Variants in MYH9 observed in about 807,000 individuals in gnomAD.
The protein encoded by MYH9 is myosin-9.
Under a neutral mutation model 241.9 loss-of-function variants are expected in MYH9, and 29 were observed. That is an observed-to-expected ratio of 0.12 (90% CI 0.09 to 0.16). The LOEUF (loss-of-function observed/expected upper bound fraction) is 0.16. MYH9 is among the 10% of genes least tolerant of loss of function. The pLI is 1.00. For synonymous variants in MYH9, 1,047 were observed against 1,062.6 expected (o/e 0.99, Z 0.29); for missense variants, 1,803 against 2,595.5 (o/e 0.69, Z 6.63).
At chr22:36,331,765 G>A (rs1479295616) in intron 3 of MYH9, among the ~76,000 whole-genome samples, 7 of 152,190 alleles carry the variant, frequency 4.6e-5, no homozygotes, top group Admixed American at 6.5e-5. Flanking sequence ...CAGCTCTCTC[G>A]GGCTCCACCT....
rs148709953 is a variant in MYH9, at chr22:36,321,914, G to A, written c.706-93C>T. 2.4e-4 allele frequency: 271 copies of A among 1,140,586 alleles called. 1 individual carries two copies. The East Asian group carries it at 3.3e-3, about 14-fold the overall frequency. The allele number at this position is 1,140,586 out of a possible 1,614,324, so 70.7% of individuals were successfully genotyped here. On this transcript the variant is annotated intron_variant, in intron 6 of 40. Transcript: ENST00000216181. The stretch of plus-strand genomic sequence containing the variant: ...GACCACAGCCCCCCGCCCCACCTCC[G>A]GTGGGCACAGCTTGGAGGGAGAAAA...
intron 24 of MYH9, among the ~76,000 whole-genome samples, chr22:36,298,498 T>C (rs539253570): frequency 1.2e-4 from 19 of 152,320 alleles, no homozygotes; most frequent in South Asian, 2.1e-4. Flanking sequence ...GTCCCCTTTT[T>C]AGGTAAAACT....
At chr22:36,360,645 G>A (rs2146405505) in intron 1 of MYH9, among the ~76,000 whole-genome samples, 1 of 151,546 alleles carries the variant, frequency 6.6e-6, no homozygotes, top group Non-Finnish European at 1.5e-5. Flanking sequence ...CCTGGGAGGG[G>A]GAGCTTGCAG....
At position 36,291,914 on chromosome 22, in the gene MYH9, G is replaced by A. The variant is rs1325243516; in HGVS notation, c.4344+72C>T. 22 of 1,608,258 alleles carry A rather than the reference G, an allele frequency of 1.4e-5. No homozygotes were observed. In the Admixed American group the frequency reaches 3.7e-4, roughly 27 times the overall value. ...CCCTGAGGGAGCCCAGGCTTTCTCTGATGGGCCCTTTGCTTTGGACTCAGT... is the reference window on the plus strand; with the variant it reads ...CCCTGAGGGAGCCCAGGCTTTCTCTAATGGGCCCTTTGCTTTGGACTCAGT... On this transcript the variant is annotated intron_variant, in intron 31 of 40. Coordinates refer to ENST00000216181, the MANE Select transcript of MYH9 (RefSeq NM_002473.6).
At chr22:36,298,814 G>A (rs2016828600) in intron 24 of MYH9, 105 bp downstream of exon 24, 15 of 1,547,034 alleles carry the variant, frequency 9.7e-6, no homozygotes, top group African/African-American at 5.4e-5. Flanking sequence ...AGGCTCACCC[G>A]TGAGCTGAGA....
intron 21 of MYH9, 24 bp downstream of exon 21, chr22:36,301,510 G>T: frequency 6.2e-7 from 1 of 1,612,034 alleles, no homozygotes; most frequent in Non-Finnish European, 8.5e-7. Flanking sequence ...GTGCGACCTG[G>T]ACTGAGCCTG....
At position 36,327,652 on chromosome 22, in the gene MYH9, T is replaced by G. The variant is rs5756157; in HGVS notation, c.491-164A>C. On this transcript the variant is annotated intron_variant, in intron 3 of 40. Coordinates refer to ENST00000216181, the MANE Select transcript of MYH9 (RefSeq NM_002473.6). ...TCACACCTGGCTAGGAGGAGCATCT[T>G]CGGGGGAGAGTGCCATTGGGCAGCT... Among the ~76,000 whole-genome samples the G allele has an allele frequency of 0.55, 83,278 of 151,990 alleles. 24,448 individuals carry two copies. The highest frequency in any genetic ancestry group is 0.66 in the Non-Finnish European group (44,715 of 67,958).
intron 3 of MYH9, among the ~76,000 whole-genome samples, chr22:36,340,237 C>T (rs1033358785): frequency 3.3e-5 from 5 of 151,258 alleles, no homozygotes; most frequent in African/African-American, 9.7e-5. Flanking sequence ...ACTTTTGCAG[C>T]AACCTAATAG....
intron 3 of MYH9, among the ~76,000 whole-genome samples, chr22:36,333,872 C>T (rs1246691819): frequency 6.6e-6 from 1 of 152,068 alleles, no homozygotes; most frequent in Non-Finnish European, 1.5e-5. Flanking sequence ...GAACTCGTCA[C>T]GGGAGGCCAA....
At chr22:36,387,692 G>A (rs1230893656) in intron 1 of MYH9, 115 bp downstream of exon 1, 2 of 151,296 alleles carry the variant, frequency 1.3e-5, no homozygotes, top group Non-Finnish European at 1.5e-5. Context: ...CCGCCCGCGC[G>A]GGTGGCGGGC....
In MYH9 at chr22:36,293,655, G is replaced by A; in HGVS notation, c.3942+104C>T. On this transcript the variant is annotated intron_variant, in intron 29 of 40. Transcript: ENST00000216181. This position sits in a 1 kb window ranked among gnomAD's most constrained non-coding sequence, Gnocchi z 5.1. ...GACCCACCCACAGGATGAAGCAGAT[G>A]AAGGAGAGGATGGGCAATCCGATGG... The A allele has an allele frequency of 7.5e-7, 1 of 1,332,374 alleles. No homozygotes were observed. The highest frequency in any genetic ancestry group is 1.2e-5 in the South Asian group (1 of 83,550). The allele number at this position is 1,332,374 out of a possible 1,614,324, so 82.5% of individuals were successfully genotyped here. A position where few individuals can be genotyped will look rare whatever the true frequency, so the allele number is the denominator to read the frequency against.
chr22:36,290,620 G>C (rs1301097838), intron 31 of MYH9, among the ~76,000 whole-genome samples: 4 of 151,992 alleles, frequency 2.6e-5, no homozygotes, highest in Non-Finnish European at 5.9e-5. Context: ...CGTCTGGGAT[G>C]TGAGGAGCCC....
At chr22:36,356,728 A>G (rs888292823) in intron 1 of MYH9, among the ~76,000 whole-genome samples, 1 of 152,200 alleles carries the variant, frequency 6.6e-6, no homozygotes, top group Non-Finnish European at 1.5e-5. Flanking sequence ...AGGCATAAAG[A>G]TCCCAGGGGG....
At chr22:36,351,479 C>G in intron 1 of MYH9, among the ~76,000 whole-genome samples, 1 of 152,148 alleles carries the variant, frequency 6.6e-6, no homozygotes, top group African/African-American at 2.4e-5. Flanking sequence ...GGAGCAGCCT[C>G]CAGGGCACCA....
At chr22:36,316,789 T>G in intron 11 of MYH9, 120 bp from the exon 12 acceptor site, 1 of 1,162,208 alleles carries the variant, frequency 8.6e-7, no homozygotes, top group South Asian at 1.4e-5. Flanking sequence ...CCTAAGTATG[T>G]GGGGGAAAAA....
rs901791099 is a variant in MYH9, at chr22:36,330,227, G to T, written c.491-2739C>A. ...CCTAACCATACCTTAAAGAAATCTG[G>T]ATTTGTTCTGCCAGGAACATTCATC... On this transcript the variant is annotated intron_variant, in intron 3 of 40. Transcript: ENST00000216181. The surrounding 1 kb of genome is among the most constrained non-coding windows in gnomAD (Gnocchi z 4.5). Among the ~76,000 whole-genome samples, 1 of 152,206 alleles carries T rather than the reference G, an allele frequency of 6.6e-6. No individual in the cohort carries two copies. Among genetic ancestry groups the T allele is most frequent in the Non-Finnish European group, 1.5e-5 (1 of 68,034 alleles).
At chr22:36,331,245 G>A (rs1233909719) in intron 3 of MYH9, among the ~76,000 whole-genome samples, 2 of 152,146 alleles carry the variant, frequency 1.3e-5, no homozygotes, top group African/African-American at 4.8e-5. Flanking sequence ...GTCGTACACG[G>A]TGTGAGGCAG....
At chr22:36,286,059 C>T in intron 35 of MYH9, 106 bp from the exon 36 acceptor site, 3 of 1,191,470 alleles carry the variant, frequency 2.5e-6, no homozygotes, top group Admixed American at 1.9e-5. Context: ...AGGCCCACCT[C>T]CCCACGAAGC....
At chr22:36,335,785 G>C (rs2017488841) in intron 3 of MYH9, among the ~76,000 whole-genome samples, 2 of 152,360 alleles carry the variant, frequency 1.3e-5, no homozygotes, top group Non-Finnish European at 2.9e-5. Flanking sequence ...ACAGGCACCA[G>C]GACAGGAAAT....
Sources: gnomAD v4.1 joint callset for allele counts (sites outside exome capture counted in the v4.1 genomes callset) on GRCh38, gnomAD v4.1.1 for gene constraint, Gnocchi (gnomAD v3.1) non-coding constraint, MANE v1.5 for transcripts, NCBI Gene and HGNC (gene_info 2026-07-23, HGNC 2026-07-21) for gene names.